DLGAP2: variants seen among roughly 807,000 people sequenced by gnomAD.
The protein encoded by DLGAP2 is DLG associated protein 2, also known as disks large-associated protein 2.
A neutral mutation model predicts 100.3 loss-of-function variants in DLGAP2; 26 were observed. That is an observed-to-expected ratio of 0.26 (90% CI 0.19 to 0.36). The LOEUF (loss-of-function observed/expected upper bound fraction) is 0.36. DLGAP2 is among the 10% of genes least tolerant of loss of function. DLGAP2 has a pLI of 1.00. For missense variants in DLGAP2, 1,858 were observed against 1,453.2 expected (o/e 1.28, Z -4.53); for synonymous variants, 886 against 630.1 (o/e 1.41, Z -6.08).
chr8:1,591,226 C>G (rs760402083), intron 6 of DLGAP2, among the ~76,000 whole-genome samples: 1 of 152,108 alleles, frequency 6.6e-6, no homozygotes, highest in Non-Finnish European at 1.5e-5. Flanking sequence ...TCTGCAAAGC[C>G]CAAACATTAA....
At chr8:1,372,709 A>G (rs1310314432) in intron 3 of DLGAP2, among the ~76,000 whole-genome samples, 1 of 152,226 alleles carries the variant, frequency 6.6e-6, no homozygotes, top group East Asian at 1.9e-4. Context: ...GGCTAGAGGA[A>G]GATCAGAGAG....
intron 2 of DLGAP2, among the ~76,000 whole-genome samples, chr8:1,083,259 A>T (rs1366144308): frequency 6.6e-6 from 1 of 152,230 alleles, no homozygotes; most frequent in Non-Finnish European, 1.5e-5. Context: ...ATCGTCTCAC[A>T]GCCCCGGTTC....
chr8:942,224 C>T (rs573603210), intron 2 of DLGAP2, among the ~76,000 whole-genome samples: 60 of 152,324 alleles, frequency 3.9e-4, no homozygotes, highest in African/African-American at 1.3e-3. Flanking sequence ...GCTGGGATTA[C>T]AGGCAGGAGC....
chr8:1,693,054 G>T (rs1454079289), intron 13 of DLGAP2, among the ~76,000 whole-genome samples: 1 of 146,948 alleles, frequency 6.8e-6, no homozygotes, highest in African/African-American at 2.5e-5. Flanking sequence ...AACATATATA[G>T]GTGTATTTAT....
At chr8:797,307 T>A (rs997746128) in intron 1 of DLGAP2, among the ~76,000 whole-genome samples, 1 of 152,310 alleles carries the variant, frequency 6.6e-6, no homozygotes, top group South Asian at 2.1e-4. Flanking sequence ...ATTCATAGAG[T>A]ATGTATTTTT....
At chr8:1,170,438 G>A (rs1474627496) in intron 2 of DLGAP2, among the ~76,000 whole-genome samples, 2 of 152,142 alleles carry the variant, frequency 1.3e-5, no homozygotes, top group Non-Finnish European at 2.9e-5. Flanking sequence ...CTGTTGATTG[G>A]AATAGTTTCA....
chr8:836,190 C>T (rs1371004749), intron 1 of DLGAP2, among the ~76,000 whole-genome samples: 4 of 152,220 alleles, frequency 2.6e-5, no homozygotes, highest in African/African-American at 7.2e-5. Context: ...AATGCAGCTG[C>T]GGGCCGGGGA....
intron 2 of DLGAP2, among the ~76,000 whole-genome samples, chr8:964,243 G>A (rs1190681515): frequency 6.6e-6 from 1 of 152,164 alleles, no homozygotes; most frequent in Non-Finnish European, 1.5e-5. Context: ...ATAGTCCTGT[G>A]TCTAGGTGGA....
chr8:943,082 A>G (rs901680760), intron 2 of DLGAP2, among the ~76,000 whole-genome samples: 7 of 152,208 alleles, frequency 4.6e-5, no homozygotes, highest in Non-Finnish European at 4.4e-5. Flanking sequence ...TCAGAAGAAA[A>G]TCAGGTGCTC....
At chr8:1,280,247 G>A (rs1799789637) in intron 3 of DLGAP2, among the ~76,000 whole-genome samples, 1 of 152,124 alleles carries the variant, frequency 6.6e-6, no homozygotes, top group Non-Finnish European at 1.5e-5. Context: ...CATGAGTCCT[G>A]CTACTGAGGC....
At chr8:1,526,738 G>C (rs1469896396) in intron 4 of DLGAP2, among the ~76,000 whole-genome samples, 5 of 152,184 alleles carry the variant, frequency 3.3e-5, no homozygotes, top group Admixed American at 6.5e-5. Context: ...ATCAAGAGAG[G>C]AAGGAGGGAG....
At chr8:976,230 G>C (rs1217722105) in intron 2 of DLGAP2, among the ~76,000 whole-genome samples, 1 of 152,102 alleles carries the variant, frequency 6.6e-6, no homozygotes, top group African/African-American at 2.4e-5. Context: ...GGATGACTTC[G>C]AGACTTATTA....
At chr8:1,145,083 A>G (rs1342937281) in intron 2 of DLGAP2, among the ~76,000 whole-genome samples, 1 of 152,254 alleles carries the variant, frequency 6.6e-6, no homozygotes, top group Non-Finnish European at 1.5e-5. Flanking sequence ...GTAGGTGGCC[A>G]AGGGACCAGG....
intron 2 of DLGAP2, among the ~76,000 whole-genome samples, chr8:1,093,650 T>TAGCCAGACAGAAACACCTTCACACCAAC (rs1804263385): frequency 1.2e-5 from 1 of 86,564 alleles, no homozygotes; most frequent in East Asian, 3.4e-4. Context: ...TTCACACTAA[T>TAGCCAGACAGAAACACCTTCACACCAAC]AGCCAGACAG....
intron 2 of DLGAP2, among the ~76,000 whole-genome samples, chr8:1,170,626 C>A (rs1399621464): frequency 1.5e-5 from 2 of 137,434 alleles, no homozygotes; most frequent in Non-Finnish European, 3.3e-5. Context: ...GTGTATGTGT[C>A]GAGGAATGTA....
chr8:1,668,061 C>A (rs1406380132), intron 8 of DLGAP2, among the ~76,000 whole-genome samples: 1 of 152,192 alleles, frequency 6.6e-6, no homozygotes, highest in South Asian at 2.1e-4. Flanking sequence ...TTAAATGATG[C>A]CACGCCTGCG....
chr8:767,687 G>T (rs1447020434), intron 1 of DLGAP2, among the ~76,000 whole-genome samples: 2 of 152,184 alleles, frequency 1.3e-5, no homozygotes, highest in African/African-American at 4.8e-5. Flanking sequence ...CAAGGAGTTT[G>T]TGCATCAATC....
intron 6 of DLGAP2, among the ~76,000 whole-genome samples, chr8:1,587,212 T>C (rs138457989): frequency 1.1e-3 from 161 of 152,346 alleles, no homozygotes; most frequent in African/African-American, 3.7e-3. Context: ...CCATTGCCCG[T>C]TCATCTATAG....
chr8:890,399 G>C (rs1033780975), intron 1 of DLGAP2, among the ~76,000 whole-genome samples: 1 of 151,954 alleles, frequency 6.6e-6, no homozygotes, highest in African/African-American at 2.4e-5. Flanking sequence ...ACCATGGAAC[G>C]TTTTTTTTCC....
Sources: gnomAD v4.1 joint callset for allele counts (sites outside exome capture counted in the v4.1 genomes callset) on GRCh38, gnomAD v4.1.1 for gene constraint, MANE v1.5 for transcripts, NCBI Gene and HGNC (gene_info 2026-07-23, HGNC 2026-07-21) for gene names.